Variants in FAM13A observed in about 807,000 individuals in gnomAD.
FAM13A encodes the protein family with sequence similarity 13 member A.
Under a neutral mutation model 129.6 loss-of-function variants are expected in FAM13A, and 76 were observed. The ratio of observed to expected loss-of-function variants is 0.59; its 90% CI spans 0.49 to 0.71. The LOEUF is 0.71. Among genes scored for constraint, FAM13A ranks in the 30% least tolerant of loss-of-function variants. The pLI, the probability that FAM13A is intolerant of heterozygous loss-of-function variation, is 0.00. For synonymous variants in FAM13A, 443 were observed against 449.9 expected (o/e 0.98, Z 0.20); for missense variants, 1,108 against 1,249.3 (o/e 0.89, Z 1.70).
intron 5 of FAM13A, among the ~76,000 whole-genome samples, chr4:88,916,040 T>TA (rs879299163): frequency 5.9e-5 from 9 of 151,578 alleles, no homozygotes; most frequent in African/African-American, 1.9e-4. Context: ...CTTTATAAAT[T>TA]AAAAAAAAGA....
chr4:88,764,849 A>G (rs1443703728), intron 13 of FAM13A, among the ~76,000 whole-genome samples: 1 of 152,240 alleles, frequency 6.6e-6, no homozygotes, highest in African/African-American at 2.4e-5. Flanking sequence ...GTCACTAAAC[A>G]AATTTTAATC....
At chr4:88,957,765 T>A (rs2148901491) in intron 4 of FAM13A, among the ~76,000 whole-genome samples, 1 of 152,306 alleles carries the variant, frequency 6.6e-6, no homozygotes, top group Admixed American at 6.5e-5. Flanking sequence ...AAATGAGATC[T>A]CAGATGGAAA....
chr4:88,987,421 T>C (rs1762373116), intron 4 of FAM13A, among the ~76,000 whole-genome samples: 1 of 152,108 alleles, frequency 6.6e-6, no homozygotes, highest in Non-Finnish European at 1.5e-5. Context: ...AGCCTTACAA[T>C]ACAGAGATTT....
At chr4:88,942,372 G>T (rs1754909248) in intron 4 of FAM13A, among the ~76,000 whole-genome samples, 1 of 151,926 alleles carries the variant, frequency 6.6e-6, no homozygotes, top group South Asian at 2.1e-4. Context: ...TTCGAGACCA[G>T]ATTGGGCAAC....
chr4:88,781,859 A>G (rs963301787), intron 10 of FAM13A, among the ~76,000 whole-genome samples: 6 of 149,568 alleles, frequency 4.0e-5, no homozygotes, highest in East Asian at 1.9e-4. Flanking sequence ...GGGAGCGGGG[A>G]GGGATAGCAT....
intron 4 of FAM13A, among the ~76,000 whole-genome samples, chr4:88,946,476 C>T (rs775530224): frequency 2.0e-5 from 3 of 148,762 alleles, no homozygotes; most frequent in Non-Finnish European, 4.4e-5. Flanking sequence ...GAATTAGCAC[C>T]CTCTGCTTTA....
chr4:88,831,094 C>T (rs1485862930), intron 7 of FAM13A, among the ~76,000 whole-genome samples: 2 of 151,976 alleles, frequency 1.3e-5, no homozygotes, highest in Non-Finnish European at 2.9e-5. Flanking sequence ...TGTTCCTCAA[C>T]TTTCTGGGAC....
chr4:88,727,411 G>C lies in FAM13A; in HGVS notation c.*1122C>G, dbSNP rs1391649572. On this transcript the variant is annotated 3_prime_UTR_variant, in exon 24 of 24. Transcript: ENST00000264344. ...AAGTCTTTGAAAAAAATTATAATTG[G>C]CCACACAGCATGACTTCTTTTTTTT... is the stretch of plus-strand genomic sequence containing the variant. The C allele has an allele frequency of 6.6e-6, 1 of 152,518 alleles. No homozygotes were observed. Among genetic ancestry groups the C allele is most frequent in the Non-Finnish European group, 1.5e-5 (1 of 68,020 alleles). 9.4% of individuals were successfully genotyped at this position (152,518 alleles called of 1,614,324 possible).
chr4:88,943,903 TTC>T (rs1755195066), intron 4 of FAM13A, among the ~76,000 whole-genome samples: 2 of 152,220 alleles, frequency 1.3e-5, no homozygotes, highest in South Asian at 4.1e-4. Context: ...CACATTTTTT[TTC>T]TCTCTCTTTT....
At chr4:89,027,870 A>G (rs1208240333) in intron 2 of FAM13A, among the ~76,000 whole-genome samples, 1 of 151,970 alleles carries the variant, frequency 6.6e-6, no homozygotes, top group Non-Finnish European at 1.5e-5. Context: ...GGATGGCTGG[A>G]GATCTCATCA....
intron 4 of FAM13A, among the ~76,000 whole-genome samples, chr4:88,980,792 T>C (rs901055357): frequency 6.6e-6 from 1 of 152,200 alleles, no homozygotes; most frequent in African/African-American, 2.4e-5. Flanking sequence ...AGTTAGCAGA[T>C]AAAATGACAG....
intron 7 of FAM13A, among the ~76,000 whole-genome samples, chr4:88,828,138 T>C (rs1224341064): frequency 6.6e-6 from 1 of 152,142 alleles, no homozygotes; most frequent in Non-Finnish European, 1.5e-5. Context: ...GAAATGTTTT[T>C]TTGTTTGTTT....
intron 7 of FAM13A, among the ~76,000 whole-genome samples, chr4:88,809,303 A>G (rs186746661): frequency 1.3e-4 from 20 of 152,298 alleles, no homozygotes; most frequent in African/African-American, 4.8e-4. Context: ...AATTACTTCA[A>G]CTTTCTAATT....
At chr4:88,960,304 C>T (rs2148911182) in intron 4 of FAM13A, among the ~76,000 whole-genome samples, 1 of 152,284 alleles carries the variant, frequency 6.6e-6, no homozygotes, top group East Asian at 1.9e-4. Flanking sequence ...TTTCAACATC[C>T]TGAAGCCTAT....
intron 6 of FAM13A, among the ~76,000 whole-genome samples, chr4:88,872,242 G>A (rs1041642306): frequency 6.6e-6 from 1 of 151,934 alleles, no homozygotes; most frequent in South Asian, 2.1e-4. Flanking sequence ...TCAACCAACG[G>A]GCAAAATAAC....
At chr4:88,743,737 T>C (rs763575388) in intron 19 of FAM13A, among the ~76,000 whole-genome samples, 1 of 152,228 alleles carries the variant, frequency 6.6e-6, no homozygotes, top group Admixed American at 6.5e-5. Context: ...GTCTTCATAA[T>C]ATAAAGAATT....
chr4:88,735,584 T>C (rs938469129), intron 21 of FAM13A, among the ~76,000 whole-genome samples: 1 of 152,202 alleles, frequency 6.6e-6, no homozygotes, highest in Non-Finnish European at 1.5e-5. Flanking sequence ...GTAGTTCATA[T>C]ACAGCTGGTT....
At chr4:88,936,964 G>A (rs1187110229) in intron 5 of FAM13A, 1 of 152,020 alleles carries the variant, frequency 6.6e-6, no homozygotes, top group Non-Finnish European at 1.5e-5. Context: ...ACTTGAGGGC[G>A]ATTTTTTTCT....
At chr4:88,839,189 A>G (rs1179317148) in intron 7 of FAM13A, among the ~76,000 whole-genome samples, 1 of 152,192 alleles carries the variant, frequency 6.6e-6, no homozygotes, top group Non-Finnish European at 1.5e-5. Context: ...TATAACATAT[A>G]TACCCATATT....
Sources: gnomAD v4.1 joint callset for allele counts (sites outside exome capture counted in the v4.1 genomes callset) on GRCh38, gnomAD v4.1.1 for gene constraint, MANE v1.5 for transcripts, NCBI Gene and HGNC (gene_info 2026-07-23, HGNC 2026-07-21) for gene names.